Variants in C3orf33 observed in about 807,000 individuals in gnomAD.
C3orf33 encodes the protein mitochondrial inner membrane subdomain organizer 1.
In C3orf33, 23 loss-of-function variants were observed where a neutral mutation model predicts 28.7. The ratio of observed to expected loss-of-function variants is 0.80; its 90% CI spans 0.58 to 1.13. C3orf33 has a LOEUF of 1.13. Ranked by LOEUF, C3orf33 falls within the 50% of genes most tolerant of loss-of-function variation. The pLI is 0.00. For synonymous variants in C3orf33, 119 were observed against 120.5 expected (o/e 0.99, Z 0.08); for missense variants, 327 against 353.4 (o/e 0.93, Z 0.60).
chr3:155,788,995 CA>C (rs1445229758), intron 2 of C3orf33, among the ~76,000 whole-genome samples: 2 of 152,110 alleles, frequency 1.3e-5, no homozygotes, highest in Non-Finnish European at 1.5e-5. Flanking sequence ...AGTTAACACA[CA>C]AAAATCAGTT....
intron 4 of C3orf33, among the ~76,000 whole-genome samples, chr3:155,765,084 G>A (rs888716307): frequency 1.3e-5 from 2 of 152,236 alleles, no homozygotes; most frequent in African/African-American, 2.4e-5. Context: ...CACCTCACAC[G>A]TTAGCAAAAT....
intron 2 of C3orf33, among the ~76,000 whole-genome samples, chr3:155,791,589 G>A (rs1003775813): frequency 6.6e-6 from 1 of 152,138 alleles, no homozygotes; most frequent in South Asian, 2.1e-4. Flanking sequence ...GGCCAGTGGG[G>A]AGACCACTTC....
chr3:155,782,338 G>GA (rs55878451), intron 2 of C3orf33, among the ~76,000 whole-genome samples: 10,481 of 147,752 alleles, frequency 0.071, 817 homozygotes, highest in African/African-American at 0.19. Context: ...GAAACTATTT[G>GA]AAAAAAAAAA....
chr3:155,799,921 G>A (rs1280016476), intron 2 of C3orf33, among the ~76,000 whole-genome samples: 1 of 151,976 alleles, frequency 6.6e-6, no homozygotes, highest in Admixed American at 6.6e-5. Flanking sequence ...ACCTGGGAAG[G>A]GTAGCTGGGG....
chr3:155,791,272 C>T (rs1267674182), intron 2 of C3orf33, among the ~76,000 whole-genome samples: 1 of 152,122 alleles, frequency 6.6e-6, no homozygotes, highest in Non-Finnish European at 1.5e-5. Context: ...TGGCAGGATT[C>T]ATCACTTCCT....
chr3:155,768,930 C>G (rs1750492766), intron 3 of C3orf33, among the ~76,000 whole-genome samples: 1 of 152,112 alleles, frequency 6.6e-6, no homozygotes, highest in Non-Finnish European at 1.5e-5. Context: ...AATCCCAGCA[C>G]TTTGGGAGGC....
intron 2 of C3orf33, among the ~76,000 whole-genome samples, chr3:155,787,665 ATTTGT>A (rs1221887341): frequency 3.2e-4 from 48 of 150,388 alleles, no homozygotes; most frequent in African/African-American, 1.1e-3. Context: ...TGCCCAGCTA[ATTTGT>A]TTTATCTATT....
intron 2 of C3orf33, among the ~76,000 whole-genome samples, chr3:155,788,130 A>G (rs1751191577): frequency 4.0e-5 from 6 of 151,674 alleles, no homozygotes; most frequent in South Asian, 2.1e-4. Context: ...GGCGGAGCTT[A>G]CAGTGAGCCG....
chr3:155,767,200 C>T (rs935408687), intron 4 of C3orf33, among the ~76,000 whole-genome samples: 2 of 151,886 alleles, frequency 1.3e-5, no homozygotes, highest in Admixed American at 1.3e-4. Context: ...TTGCAGTGGC[C>T]GAGATCGTGC....
intron 1 of C3orf33, 141 bp downstream of exon 1, chr3:155,805,998 G>A: frequency 1.8e-6 from 1 of 553,806 alleles, no homozygotes; most frequent in Non-Finnish European, 2.9e-6. Flanking sequence ...TCGCGATGTC[G>A]CCCTCTCGAG....
intron 2 of C3orf33, among the ~76,000 whole-genome samples, chr3:155,792,634 G>A (rs951738134): frequency 1.1e-4 from 17 of 151,946 alleles, no homozygotes; most frequent in Non-Finnish European, 2.5e-4. Flanking sequence ...TTAACAAAGA[G>A]AGAAACAGTT....
At position 155,767,880 on chromosome 3, in the gene C3orf33, T is replaced by C. The variant is rs543902839; in HGVS notation, c.323-211A>G. ...CACAGTAATTTCAAAAACTCATTTT[T>C]TTTTCTTTTTTCTTTTTGAAACAGG... On this transcript the variant is annotated intron_variant, in intron 3 of 4. Coordinates refer to ENST00000340171, the MANE Select transcript of C3orf33 (RefSeq NM_001308229.2). Among the ~76,000 whole-genome samples the C allele has an allele frequency of 2.1e-4, 32 of 152,282 alleles. 1 individual carries two copies. The South Asian group carries it at 6.6e-3, about 32-fold the overall frequency.
chr3:155,781,029 C>T (rs1282547665), intron 2 of C3orf33, among the ~76,000 whole-genome samples: 1 of 148,770 alleles, frequency 6.7e-6, no homozygotes, highest in Non-Finnish European at 1.5e-5. Flanking sequence ...CTCGCTCTGT[C>T]GCCCAGGTGG....
At chr3:155,780,248 G>A (rs1013698478) in intron 2 of C3orf33, among the ~76,000 whole-genome samples, 14 of 152,162 alleles carry the variant, frequency 9.2e-5, no homozygotes, top group Non-Finnish European at 2.9e-5. Flanking sequence ...CTGTGTCTAA[G>A]CTTCAGACGG....
intron 1 of C3orf33, among the ~76,000 whole-genome samples, chr3:155,803,241 CT>C (rs1197867917): frequency 6.6e-6 from 1 of 152,024 alleles, no homozygotes; most frequent in Non-Finnish European, 1.5e-5. Context: ...ATCTAACACA[CT>C]TTCCTTCCAT....
At chr3:155,776,911 A>G (rs1750767175) in intron 2 of C3orf33, among the ~76,000 whole-genome samples, 1 of 152,106 alleles carries the variant, frequency 6.6e-6, no homozygotes, top group East Asian at 1.9e-4. Flanking sequence ...GGTTTTCCCA[A>G]CAAATCAATG....
intron 3 of C3orf33, 78 bp downstream of exon 3, chr3:155,775,620 CTTT>C (rs536905934): frequency 5.5e-4 from 555 of 1,002,408 alleles, no homozygotes; most frequent in Admixed American, 1.9e-3. Flanking sequence ...ATTAAAATGA[CTTT>C]TTTTTGCTAT....
intron 1 of C3orf33, 73 bp downstream of exon 1, chr3:155,806,066 C>A: frequency 9.5e-7 from 1 of 1,055,028 alleles, no homozygotes; most frequent in Non-Finnish European, 1.3e-6. Flanking sequence ...ACGCCTGAGG[C>A]CTCACGTTGT....
chr3:155,805,983 G>T (rs1751796935), intron 1 of C3orf33, among the ~76,000 whole-genome samples, 156 bp downstream of exon 1: 1 of 151,816 alleles, frequency 6.6e-6, no homozygotes, highest in Admixed American at 6.6e-5. Context: ...CCGCACACAC[G>T]ACACTCGCGA....
Sources: gnomAD v4.1 joint callset for allele counts (sites outside exome capture counted in the v4.1 genomes callset) on GRCh38, gnomAD v4.1.1 for gene constraint, MANE v1.5 for transcripts, NCBI Gene and HGNC (gene_info 2026-07-23, HGNC 2026-07-21) for gene names.